The following PCDHA5 variants were observed in gnomAD, a reference collection of about 807,000 sequenced individuals.
The protein encoded by PCDHA5 is protocadherin alpha 5.
PCDHA5 carries 43 observed loss-of-function variants against 61.6 expected under a neutral mutation model. The ratio of observed to expected loss-of-function variants is 0.70; its 90% CI spans 0.55 to 0.90. PCDHA5 has a LOEUF of 0.90. Among genes scored for constraint, PCDHA5 ranks in the 40% least tolerant of loss-of-function variants. The pLI is 0.00. For missense variants in PCDHA5, 1,298 were observed against 1,222.7 expected, an observed-to-expected ratio of 1.06 and a Z score of -0.92; for synonymous variants, 627 against 543.9, an observed-to-expected ratio of 1.15 and a Z score of -2.13.
rs781892034 is a variant in PCDHA5, at chr5:140,968,314, G to A, written c.2353-10635G>A. ...TTCTGGAGAGGGAGATTCAAGGGCT[G>A]CCAGTCACCTCCTATGTCTCCATTA... On this transcript the variant is annotated intron_variant, in intron 1 of 3. Transcript: ENST00000529859. The A allele has an allele frequency of 2.5e-6, 4 of 1,613,960 alleles. No individual in the cohort carries two copies. The South Asian group carries it at 4.4e-5, about 18-fold the overall frequency.
At chr5:140,937,770 G>C (rs1353635012) in intron 1 of PCDHA5, among the ~76,000 whole-genome samples, 3 of 151,876 alleles carry the variant, frequency 2.0e-5, no homozygotes, top group Non-Finnish European at 4.4e-5. Flanking sequence ...AAATTAGTCG[G>C]GCGTGGTGGC....
chr5:140,870,082 C>A lies in PCDHA5; in HGVS notation c.2352+45955C>A, dbSNP rs1326686779. 1.9e-6 allele frequency: 3 copies of A among 1,613,708 alleles called. No individual in the cohort carries two copies. In the Admixed American group the frequency reaches 5.0e-5, roughly 27 times the overall value. ...AGTACAGGCTACAGATAAGGGGACT[C>A]CCCCAATGGCAGGTCACTGTACAGT... On this transcript the variant is annotated intron_variant, in intron 1 of 3. Transcript: ENST00000529859.
intron 1 of PCDHA5, among the ~76,000 whole-genome samples, chr5:140,938,765 A>G (rs1554212377): frequency 6.6e-6 from 1 of 152,182 alleles, no homozygotes; most frequent in Non-Finnish European, 1.5e-5. Context: ...GTTATTGGGT[A>G]CTAGACTTAG....
chr5:140,873,537 A>G, intron 1 of PCDHA5, among the ~76,000 whole-genome samples: 1 of 152,274 alleles, frequency 6.6e-6, no homozygotes, highest in Admixed American at 6.5e-5. Flanking sequence ...TCTATGGTAT[A>G]AAATTATAAT....
At position 140,897,557 on chromosome 5, in the gene PCDHA5, A is replaced by G. The variant is rs2066188249; in HGVS notation, c.2352+73430A>G. Reference sequence around the variant, plus strand: ...GGCTGCATAGTCTTCCATGGTGTATATGTGCCACATTTTCTTAATCCAGTC... The same window carrying G: ...GGCTGCATAGTCTTCCATGGTGTATGTGTGCCACATTTTCTTAATCCAGTC... On this transcript the variant is annotated intron_variant, in intron 1 of 3. Coordinates refer to ENST00000529859, the MANE Select transcript of PCDHA5 (RefSeq NM_018908.3). Among the ~76,000 whole-genome samples, 4 of 151,994 alleles carry G rather than the reference A, an allele frequency of 2.6e-5. No individual in the cohort carries two copies. The South Asian group carries it at 8.3e-4, about 32-fold the overall frequency.
At chr5:140,824,610 G>GTGTTTTTTTTT (rs1768191919) in intron 1 of PCDHA5, 1 of 95,104 alleles carries the variant, frequency 1.1e-5, no homozygotes, top group African/African-American at 4.9e-5. Context: ...GCTAATTAAA[G>GTGTTTTTTTTT]TTTTTTTTTT....
intron 1 of PCDHA5, chr5:140,834,892 A>T (rs2150228741): frequency 6.2e-7 from 1 of 1,604,044 alleles, no homozygotes; most frequent in East Asian, 2.2e-5. Context: ...CTGCTCACTT[A>T]CAGACTGAGC....
In PCDHA5 at chr5:140,969,369, C is replaced by A. The variant is rs782020561; in HGVS notation, c.2353-9580C>A. The A allele has an allele frequency of 1.3e-5, 21 of 1,607,718 alleles. 2 individuals carry two copies. In the South Asian group the frequency reaches 2.3e-4, roughly 18 times the overall value. ...TCAGGGGGTCTTCTACAAACTCATG[C>A]ATTTGTTACACATCCCCCAATATCC... is the stretch of plus-strand genomic sequence containing the variant. On this transcript the variant is annotated intron_variant, in intron 1 of 3. Transcript: ENST00000529859.
intron 1 of PCDHA5, among the ~76,000 whole-genome samples, chr5:140,889,697 A>G (rs920897018): frequency 4.6e-5 from 7 of 152,294 alleles, no homozygotes; most frequent in Middle Eastern, 3.4e-3. Flanking sequence ...TATTATGGGC[A>G]TATTCCACAA....
chr5:140,945,636 G>A (rs2093820936), intron 1 of PCDHA5, among the ~76,000 whole-genome samples: 1 of 152,092 alleles, frequency 6.6e-6, no homozygotes, highest in Admixed American at 6.6e-5. Context: ...TAAAAGACAT[G>A]TAGACCAATG....
intron 1 of PCDHA5, among the ~76,000 whole-genome samples, chr5:140,873,864 T>C (rs1275090016): frequency 6.6e-6 from 1 of 152,210 alleles, no homozygotes; most frequent in African/African-American, 2.4e-5. Context: ...TTTCACCATG[T>C]TGGCCAGGCT....
rs2086142013 is a variant in PCDHA5, at chr5:140,929,415, C to T, written c.2353-49534C>T. 11 of 1,504,150 alleles carry T rather than the reference C, an allele frequency of 7.3e-6. 1 individual carries two copies. In the South Asian group the frequency reaches 1.2e-4, roughly 17 times the overall value. 93.2% of individuals were successfully genotyped at this position (1,504,150 alleles called of 1,614,324 possible). A position where few individuals can be genotyped will look rare whatever the true frequency, so the allele number is the denominator to read the frequency against. On this transcript the variant is annotated intron_variant, in intron 1 of 3. Coordinates refer to ENST00000529859, the MANE Select transcript of PCDHA5 (RefSeq NM_018908.3). The stretch of plus-strand genomic sequence containing the variant: ...TATTTCTTAGACAAGCCTTTCACAA[C>T]ATTTCATCAATTGAACTAAACACTC...
chr5:140,881,995 T>C, intron 1 of PCDHA5: 1 of 464,062 alleles, frequency 2.2e-6, no homozygotes, highest in Middle Eastern at 5.9e-4. Flanking sequence ...TGTCAGGAAA[T>C]GCAAGGGGCA....
intron 2 of PCDHA5, among the ~76,000 whole-genome samples, chr5:140,980,631 A>G (rs1272240071): frequency 6.6e-6 from 1 of 152,222 alleles, no homozygotes; most frequent in Non-Finnish European, 1.5e-5. Flanking sequence ...TCTGTCTCAG[A>G]AGAATAAATA....
At chr5:140,877,375 C>G (rs782650940) in intron 1 of PCDHA5, 1 of 1,614,006 alleles carries the variant, frequency 6.2e-7, no homozygotes, top group Admixed American at 1.7e-5. Flanking sequence ...CAGCACGACA[C>G]GCATCCTGGA....
At chr5:140,825,342 A>G (rs1554130192) in intron 1 of PCDHA5, 1 of 147,852 alleles carries the variant, frequency 6.8e-6, no homozygotes, top group South Asian at 2.1e-4. Flanking sequence ...ATTTTTCAAT[A>G]TATCTAATAT....
Position 140,836,319 on chromosome 5 carries a change from C to A in PCDHA5, c.2352+12192C>A, listed in dbSNP as rs2150257608. ...AGATGAGACGGACGCACCGCGCCAC[C>A]GCCTTCTGGTGCTTGTGAAGGACCA... On this transcript the variant is annotated intron_variant, in intron 1 of 3. Coordinates refer to ENST00000529859, the MANE Select transcript of PCDHA5 (RefSeq NM_018908.3). 3.7e-6 allele frequency: 6 copies of A among 1,613,720 alleles called. No homozygotes were observed. The South Asian group carries it at 4.4e-5, about 12-fold the overall frequency.
chr5:140,994,429 G>A (rs1474074265), intron 3 of PCDHA5, among the ~76,000 whole-genome samples: 1 of 152,110 alleles, frequency 6.6e-6, no homozygotes, highest in Non-Finnish European at 1.5e-5. Flanking sequence ...GAGGCCGGGC[G>A]CAGTGGCTCA....
intron 1 of PCDHA5, chr5:140,836,766 C>A (rs2150269669): frequency 6.4e-7 from 1 of 1,562,092 alleles, no homozygotes; most frequent in South Asian, 1.2e-5. Flanking sequence ...TTGTTTCCAA[C>A]AATTTTAAAA....
Sources: allele counts gnomAD v4.1 joint callset (sites outside exome capture counted in the v4.1 genomes callset), GRCh38; gene constraint gnomAD v4.1.1; transcripts MANE v1.5; gene names NCBI Gene and HGNC (gene_info 2026-07-23, HGNC 2026-07-21).